ANKRD18A: variants seen among roughly 807,000 people sequenced by gnomAD.
ANKRD18A encodes ankyrin repeat domain-containing protein 18A.
A neutral mutation model predicts 110.6 loss-of-function variants in ANKRD18A; 72 were observed. The ratio of observed to expected loss-of-function variants is 0.65; its 90% CI spans 0.54 to 0.79. The LOEUF is 0.79. ANKRD18A is among the 30% of genes least tolerant of loss of function. The pLI is 0.00. For missense variants in ANKRD18A, 934 were observed against 1,163.3 expected (o/e 0.80, Z 2.87); for synonymous variants, 305 against 410.3 (o/e 0.74, Z 3.10).
rs1344605203 is a variant in ANKRD18A, at chr9:38,601,202, C to T, written c.865G>A (p.Glu289Lys). 1.3e-6 allele frequency: 2 copies of T among 1,555,106 alleles called. No individual in the cohort carries two copies. Among genetic ancestry groups the T allele is most frequent in the Non-Finnish European group, 1.7e-6 (2 of 1,148,526 alleles). Residue 289 changes from glutamate to lysine, a missense_variant and splice_region_variant, in exon 8 of 16, where the codon GAA becomes AAA. Transcript: ENST00000399703. ...LKKRKERAKA[E>K]HNLKVASEEK... Reference sequence around the variant, plus strand: ...TCTGAAGCCACTTTTAGGTTGTGTTCTGCTGACAAATCCATATGTTTAGTT... The same window carrying T: ...TCTGAAGCCACTTTTAGGTTGTGTTTTGCTGACAAATCCATATGTTTAGTT...
At position 38,602,815 on chromosome 9, in the gene ANKRD18A, T is replaced by C. The variant is rs376636643; in HGVS notation, c.862+344A>G. Among the ~76,000 whole-genome samples the C allele has an allele frequency of 1.1e-3, 166 of 152,180 alleles. 1 individual carries two copies. The highest frequency in any genetic ancestry group is 3.9e-3 in the African/African-American group (162 of 41,540). ...CCTCCCAGGTAGCTGGAATTACAGG[T>C]GCAGAACACCACACCCAGTTACAGT... On this transcript the variant is annotated intron_variant, in intron 7 of 15. Coordinates refer to ENST00000399703, the MANE Select transcript of ANKRD18A (RefSeq NM_147195.4).
rs1563963641 is a variant in ANKRD18A, at chr9:38,592,138, TG to T, written c.2004+1621del. Among the ~76,000 whole-genome samples, 3 of 152,322 alleles carry T rather than the reference TG, an allele frequency of 2.0e-5. No individual in the cohort carries two copies. The East Asian group carries it at 5.8e-4, about 29-fold the overall frequency. On this transcript the variant is annotated intron_variant, in intron 10 of 15. Coordinates refer to ENST00000399703, the MANE Select transcript of ANKRD18A (RefSeq NM_147195.4). Reference sequence around the variant, plus strand: ...AACAATTCTCCTCTATTAGACTAATTGGTTTTAATTTCATATTTAATTGCTA... The same window carrying T: ...AACAATTCTCCTCTATTAGACTAATTGTTTTAATTTCATATTTAATTGCTA...
rs1823985111 is a variant in ANKRD18A, at chr9:38,578,086, G to A, written c.2310C>T (p.Asp770=). 7.1e-6 allele frequency: 11 copies of A among 1,549,850 alleles called. No individual in the cohort carries two copies. Among genetic ancestry groups the A allele is most frequent in the Non-Finnish European group, 9.6e-6 (11 of 1,146,430 alleles). ...VSSECVNLAK[D]NEVLHQELLS... The stretch of plus-strand genomic sequence containing the variant: ...ATAACTCCTGATGAAGAACTTCATT[G>A]TCTTTGGCCAAATTGACACATTCTG... Residue 770 remains aspartate (D), a synonymous_variant, in exon 13 of 16, where the codon GAC becomes GAT. Coordinates refer to ENST00000399703, the MANE Select transcript of ANKRD18A (RefSeq NM_147195.4).
At chr9:38,582,643 A>C (rs1824213008) in intron 12 of ANKRD18A, among the ~76,000 whole-genome samples, 1 of 152,090 alleles carries the variant, frequency 6.6e-6, no homozygotes, top group Non-Finnish European at 1.5e-5. Context: ...ATCCATGTGC[A>C]AAAAAAATTA....
intron 10 of ANKRD18A, among the ~76,000 whole-genome samples, chr9:38,589,264 G>T (rs1824527800): frequency 6.6e-6 from 1 of 152,176 alleles, no homozygotes; most frequent in South Asian, 2.1e-4. Flanking sequence ...CTATTATCCT[G>T]TTTCTCCCCT....
chr9:38,620,464 T>G lies in ANKRD18A; in HGVS notation c.-179A>C. The G allele has an allele frequency of 1.4e-6, 2 of 1,380,206 alleles. No homozygotes were observed. Among genetic ancestry groups the G allele is most frequent in the Non-Finnish European group, 1.9e-6 (2 of 1,060,904 alleles). 85.5% of individuals were successfully genotyped at this position (1,380,206 alleles called of 1,614,324 possible). A position where few individuals can be genotyped will look rare whatever the true frequency, so the allele number is the denominator to read the frequency against. On this transcript the variant is annotated 5_prime_UTR_variant, in exon 1 of 16. Transcript: ENST00000399703. The stretch of plus-strand genomic sequence containing the variant: ...CCCAAACCCGCAATGTAGCTCAGAA[T>G]CCGCGATCCAGCCCGGTCCACCACA...
chr9:38,573,458 T>C (rs1823740259), intron 15 of ANKRD18A, among the ~76,000 whole-genome samples: 1 of 152,218 alleles, frequency 6.6e-6, no homozygotes, highest in Non-Finnish European at 1.5e-5. Context: ...AGCTCATGCC[T>C]GTAATCCCAG....
chr9:38,609,783 T>C (rs605326), intron 5 of ANKRD18A, among the ~76,000 whole-genome samples: 3 of 151,940 alleles, frequency 2.0e-5, no homozygotes, highest in African/African-American at 7.3e-5. Context: ...GAGGTAGCCC[T>C]AGGGGATAAT....
At chr9:38,582,438 G>A (rs187626849) in intron 12 of ANKRD18A, among the ~76,000 whole-genome samples, 5 of 152,124 alleles carry the variant, frequency 3.3e-5, no homozygotes, top group African/African-American at 7.2e-5. Flanking sequence ...AAGACAACTG[G>A]TAATATGCAA....
chr9:38,609,658 C>A (rs1825519434), intron 5 of ANKRD18A, among the ~76,000 whole-genome samples: 1 of 151,924 alleles, frequency 6.6e-6, no homozygotes, highest in South Asian at 2.1e-4. Context: ...ATGGAAACAA[C>A]AGAATGACTA....
chr9:38,597,622 A>G (rs1288034374), intron 8 of ANKRD18A, among the ~76,000 whole-genome samples: 1 of 152,206 alleles, frequency 6.6e-6, no homozygotes, highest in Non-Finnish European at 1.5e-5. Flanking sequence ...GCTGAATTAC[A>G]TCAATTACCA....
At position 38,571,628 on chromosome 9, in the gene ANKRD18A, G is replaced by A. The variant is rs145739264; in HGVS notation, c.*417C>T. The A allele has an allele frequency of 1.9e-3, 1,906 of 1,012,742 alleles. 35 individuals are homozygous for A. In the African/African-American group the frequency reaches 0.03, roughly 16 times the overall value. The allele number at this position is 1,012,742 out of a possible 1,614,324, so 62.7% of individuals were successfully genotyped here. ...ACTCTTTAAGTCTCCTACTACATAT[G>A]GTAATAAAAACTGTAAAATGCAAAG... On this transcript the variant is annotated 3_prime_UTR_variant, in exon 16 of 16. Coordinates refer to ENST00000399703, the MANE Select transcript of ANKRD18A (RefSeq NM_147195.4).
At position 38,610,311 on chromosome 9, in the gene ANKRD18A, T is replaced by C. The variant is rs200065693; in HGVS notation, c.702A>G (p.Gln234=). The part of the protein sequence containing the change: ...IRISSQDMFG[Q]TAEDYALCSD... ...AACAAAGAGCATAATCCTCGGCAGT[T>C]TGGCCAAACATGTCTTGAGAAGAGA... The change falls in exon 5 of 16, where the codon CAA becomes CAG. Residue 234 remains glutamine (Q), a synonymous_variant. Transcript: ENST00000399703. 2.2e-4 allele frequency: 334 copies of C among 1,550,602 alleles called. No homozygotes were observed. The East Asian group carries it at 7.3e-3, about 34-fold the overall frequency.
At chr9:38,584,639 G>C (rs1361817909) in intron 12 of ANKRD18A, among the ~76,000 whole-genome samples, 2 of 152,116 alleles carry the variant, frequency 1.3e-5, no homozygotes, top group African/African-American at 4.8e-5. Flanking sequence ...TCAGATCACT[G>C]GCCAGGGTTC....
chr9:38,604,325 C>T (rs1825259391), intron 6 of ANKRD18A: 1 of 151,712 alleles, frequency 6.6e-6, no homozygotes, highest in Non-Finnish European at 1.5e-5. Context: ...ACAAAAAGTC[C>T]CCTGCATGCT....
At chr9:38,587,952 G>T (rs1193329800) in intron 11 of ANKRD18A, among the ~76,000 whole-genome samples, 1 of 152,104 alleles carries the variant, frequency 6.6e-6, no homozygotes, top group Non-Finnish European at 1.5e-5. Context: ...GCCAGGCAGG[G>T]TGGTGCACAC....
At chr9:38,575,917 CA>C (rs1823874238) in intron 14 of ANKRD18A, among the ~76,000 whole-genome samples, 1 of 152,170 alleles carries the variant, frequency 6.6e-6, no homozygotes, top group Admixed American at 6.5e-5. Context: ...TTCTACTGAA[CA>C]AGCAGTTCAA....
At chr9:38,607,331 A>G in intron 6 of ANKRD18A, 95 bp downstream of exon 6, 1 of 1,026,972 alleles carries the variant, frequency 9.7e-7, no homozygotes, top group Non-Finnish European at 1.3e-6. Flanking sequence ...TGCTGGGATT[A>G]CAGGTGTGAG....
At chr9:38,580,237 T>C (rs985811242) in intron 12 of ANKRD18A, among the ~76,000 whole-genome samples, 2 of 152,174 alleles carry the variant, frequency 1.3e-5, no homozygotes, top group African/African-American at 2.4e-5. Flanking sequence ...GAGACATCTC[T>C]ACAAAGTAAA....
Sources: allele counts gnomAD v4.1 joint callset (sites outside exome capture counted in the v4.1 genomes callset), GRCh38; gene constraint gnomAD v4.1.1; transcripts MANE v1.5; gene names NCBI Gene and HGNC (gene_info 2026-07-23, HGNC 2026-07-21).